The following CNBD1 variants were observed in gnomAD, a reference collection of about 807,000 sequenced individuals.
The protein encoded by CNBD1 is cyclic nucleotide-binding domain-containing protein 1.
In CNBD1, 71 loss-of-function variants were observed where a neutral mutation model predicts 54.4. The observed-to-expected ratio is 1.30, with a 90% CI of 1.08 to 1.59. The LOEUF (loss-of-function observed/expected upper bound fraction) is 1.59, where lower values mean the gene tolerates loss of function less well. Among genes scored for constraint, CNBD1 ranks in the 40% most tolerant of loss-of-function variants. CNBD1 has a pLI of 0.00. For missense variants in CNBD1, 659 were observed against 518.0 expected, an observed-to-expected ratio of 1.27 and a Z score of -2.64; for synonymous variants, 182 against 170.7, an observed-to-expected ratio of 1.07 and a Z score of -0.51.
chr8:87,347,302 T>C (rs576863996), intron 8 of CNBD1, among the ~76,000 whole-genome samples: 39 of 152,320 alleles, frequency 2.6e-4, no homozygotes, highest in African/African-American at 9.1e-4. Flanking sequence ...CTTTTCCTTA[T>C]GCTCAAGAAA....
At chr8:87,378,927 G>A (rs1244878644) in intron 10 of CNBD1, among the ~76,000 whole-genome samples, 11 of 149,212 alleles carry the variant, frequency 7.4e-5, no homozygotes, top group Non-Finnish European at 1.0e-4. Context: ...TTGTGAATGG[G>A]AGTTCACTCA....
At chr8:87,073,448 A>G (rs1294880530) in intron 4 of CNBD1, among the ~76,000 whole-genome samples, 2 of 151,538 alleles carry the variant, frequency 1.3e-5, no homozygotes, top group African/African-American at 4.9e-5. Flanking sequence ...TCCACTTTTG[A>G]TCTTTGAGGT....
At chr8:86,953,015 C>T (rs1807665955) in intron 4 of CNBD1, among the ~76,000 whole-genome samples, 1 of 152,150 alleles carries the variant, frequency 6.6e-6, no homozygotes, top group African/African-American at 2.4e-5. Context: ...TAGCGTTTTT[C>T]ACTCGGCATA....
chr8:87,251,316 T>C (rs1172841147), intron 6 of CNBD1, among the ~76,000 whole-genome samples: 1 of 151,956 alleles, frequency 6.6e-6, no homozygotes, highest in Non-Finnish European at 1.5e-5. Flanking sequence ...CCTGGGTGCA[T>C]TGGCTTATGC....
At chr8:87,382,917 T>A (rs980520332), downstream of CNBD1, 4 of 268,960 alleles carry the variant, frequency 1.5e-5, no homozygotes, top group South Asian at 5.3e-4. Flanking sequence ...AAAGTAGTTG[T>A]AAAAAATTAA....
intron 2 of CNBD1, among the ~76,000 whole-genome samples, chr8:87,397,723 GTA>G (rs1811434427): frequency 6.6e-6 from 1 of 151,884 alleles, no homozygotes; most frequent in Non-Finnish European, 1.5e-5. Flanking sequence ...TTATCATCTG[GTA>G]TAGTCTAGCT....
chr8:87,397,315 C>T (rs901310632), intron 2 of CNBD1, among the ~76,000 whole-genome samples: 1 of 151,932 alleles, frequency 6.6e-6, no homozygotes, highest in African/African-American at 2.4e-5. Flanking sequence ...AGAATACCTA[C>T]TTTCCTAGTT....
chr8:87,415,555 G>A (rs971942272), intron 2 of CNBD1, among the ~76,000 whole-genome samples: 2 of 151,916 alleles, frequency 1.3e-5, no homozygotes, highest in African/African-American at 4.8e-5. Context: ...ACTCTTCTCA[G>A]TGTTGAACAA....
At chr8:87,280,846 G>T (rs1808586533) in intron 6 of CNBD1, among the ~76,000 whole-genome samples, 1 of 151,222 alleles carries the variant, frequency 6.6e-6, no homozygotes, top group Non-Finnish European at 1.5e-5. Flanking sequence ...AATAAACTTA[G>T]TTATCAATTT....
chr8:87,034,297 C>G (rs1809858844), intron 4 of CNBD1, among the ~76,000 whole-genome samples: 1 of 152,164 alleles, frequency 6.6e-6, no homozygotes, highest in East Asian at 1.9e-4. Flanking sequence ...TTGCACTAAA[C>G]ATGAAAAATG....
At chr8:87,304,981 A>C (rs1463214133) in intron 8 of CNBD1, among the ~76,000 whole-genome samples, 5 of 152,126 alleles carry the variant, frequency 3.3e-5, no homozygotes, top group Admixed American at 2.0e-4. Context: ...ACTGTTTGCT[A>C]ACAAGATGAT....
chr8:87,154,103 C>T (rs912232951), intron 4 of CNBD1, among the ~76,000 whole-genome samples: 1 of 152,048 alleles, frequency 6.6e-6, no homozygotes, highest in Non-Finnish European at 1.5e-5. Flanking sequence ...GTGCATTCGT[C>T]TTTCTAGGAT....
chr8:87,160,426 A>T (rs1655710889), intron 4 of CNBD1, among the ~76,000 whole-genome samples: 1 of 152,092 alleles, frequency 6.6e-6, no homozygotes, highest in African/African-American at 2.4e-5. Flanking sequence ...TAGTACTGAA[A>T]AAGAAAAACT....
chr8:87,115,083 T>C (rs1411733621), intron 4 of CNBD1, among the ~76,000 whole-genome samples: 1 of 152,234 alleles, frequency 6.6e-6, no homozygotes, highest in Non-Finnish European at 1.5e-5. Flanking sequence ...GGCAATTTAA[T>C]CAACTTAACC....
intron 2 of CNBD1, among the ~76,000 whole-genome samples, chr8:87,406,231 A>G (rs997322646): frequency 1.3e-5 from 2 of 152,086 alleles, no homozygotes; most frequent in African/African-American, 4.8e-5. Context: ...AAACTTTTTT[A>G]AAGTGAAAAT....
In CNBD1 at chr8:87,402,194, G is replaced by A. The variant is rs138236589; in HGVS notation, c.214-26352G>A. On this transcript the variant is annotated intron_variant, in intron 2 of 7. Coordinates refer to the CNBD1 transcript ENST00000521593. ...TCTCATGAGATGTTTTCACTGTCAC[G>A]AGAATATCACAGGAAAAACCCGCCT... 2.3e-3 allele frequency among the ~76,000 whole-genome samples: 344 copies of A among 151,962 alleles called. 2 individuals are homozygous for A. Among genetic ancestry groups the A allele is most frequent in the South Asian group, 4.6e-3 (22 of 4,818 alleles).
chr8:87,121,067 G>C (rs1486857996), intron 4 of CNBD1, among the ~76,000 whole-genome samples: 1 of 151,702 alleles, frequency 6.6e-6, no homozygotes, highest in Non-Finnish European at 1.5e-5. Flanking sequence ...AATTCAGTTT[G>C]ATTAATACAT....
intron 4 of CNBD1, among the ~76,000 whole-genome samples, chr8:87,144,454 G>C (rs1297142054): frequency 6.6e-6 from 1 of 152,022 alleles, no homozygotes; most frequent in African/African-American, 2.4e-5. Flanking sequence ...AACATATAAA[G>C]GGATAAAAAT....
At chr8:87,389,595 TAA>T (rs1811265719) in intron 2 of CNBD1, among the ~76,000 whole-genome samples, 1 of 151,966 alleles carries the variant, frequency 6.6e-6, no homozygotes, top group South Asian at 2.1e-4. Flanking sequence ...CTCGAAGTAA[TAA>T]AAGAGGATAC....
Sources: gnomAD v4.1 joint callset for allele counts (sites outside exome capture counted in the v4.1 genomes callset) on GRCh38, gnomAD v4.1.1 for gene constraint, MANE v1.5 for transcripts, NCBI Gene and HGNC (gene_info 2026-07-23, HGNC 2026-07-21) for gene names.